Variants in GPHN observed in about 807,000 individuals in gnomAD.
GPHN encodes gephyrin.
Under a neutral mutation model 95.5 loss-of-function variants are expected in GPHN, and 17 were observed. The ratio of observed to expected loss-of-function variants is 0.18; its 90% confidence interval spans 0.12 to 0.27. The LOEUF is 0.27. GPHN is among the 10% of genes least tolerant of loss of function. The pLI is 1.00. For missense variants in GPHN, 660 were observed against 978.1 expected (o/e 0.67, Z 4.34); for synonymous variants, 320 against 322.5 (o/e 0.99, Z 0.08).
chr14:67,474,608 G>A, the GPHN span, among the ~76,000 whole-genome samples: 1 of 152,180 alleles, frequency 6.6e-6, no homozygotes, highest in East Asian at 1.9e-4. Context: ...GTACAATTCA[G>A]TGGTCTTAAG....
chr14:66,521,653 G>A (rs913870471), intron 1 of GPHN, among the ~76,000 whole-genome samples: 2 of 152,094 alleles, frequency 1.3e-5, no homozygotes, highest in African/African-American at 2.4e-5. Context: ...AAGGGCAAGA[G>A]GGCTCCCTCA....
chr14:67,695,348 G>C, the GPHN span, among the ~76,000 whole-genome samples: 7 of 152,292 alleles, frequency 4.6e-5, no homozygotes, highest in Admixed American at 3.9e-4. Flanking sequence ...TTACCCTCGG[G>C]ATTCCCTGGA....
the GPHN span, among the ~76,000 whole-genome samples, chr14:67,416,509 A>G: frequency 6.6e-6 from 1 of 152,374 alleles, no homozygotes; most frequent in African/African-American, 2.4e-5. Flanking sequence ...CAGAGGAGAC[A>G]GGAGCTAGAA....
the GPHN span, among the ~76,000 whole-genome samples, chr14:67,353,430 G>A: frequency 2.0e-5 from 3 of 152,244 alleles, no homozygotes; most frequent in African/African-American, 7.2e-5. Context: ...AGGATCCCTT[G>A]AGCCTGGGAG....
At chr14:67,305,360 G>C in the GPHN span, among the ~76,000 whole-genome samples, 2 of 151,960 alleles carry the variant, frequency 1.3e-5, no homozygotes, top group Non-Finnish European at 2.9e-5. Context: ...GACTCCTGCA[G>C]CCTTGACTGC....
At chr14:67,076,328 T>C (rs1292376155) in intron 11 of GPHN, among the ~76,000 whole-genome samples, 2 of 152,240 alleles carry the variant, frequency 1.3e-5, no homozygotes, top group Non-Finnish European at 2.9e-5. Context: ...CAGAATAGCG[T>C]AAACATAACT....
At chr14:67,170,512 C>A (rs1595476321) in intron 21 of GPHN, among the ~76,000 whole-genome samples, 1 of 152,166 alleles carries the variant, frequency 6.6e-6, no homozygotes, top group East Asian at 1.9e-4. Flanking sequence ...CTTATGAATT[C>A]TTTCACTTAT....
intron 8 of GPHN, among the ~76,000 whole-genome samples, chr14:66,957,477 T>C (rs2068604190): frequency 1.3e-5 from 2 of 152,140 alleles, no homozygotes; most frequent in Admixed American, 6.6e-5. Flanking sequence ...ATTACAGGCA[T>C]GAGCCACCGC....
At chr14:67,095,864 G>T (rs189970018) in intron 12 of GPHN, among the ~76,000 whole-genome samples, 1 of 148,176 alleles carries the variant, frequency 6.7e-6, no homozygotes, top group Admixed American at 6.9e-5. Context: ...CACCAGCATG[G>T]CACATGTATA....
the GPHN span, among the ~76,000 whole-genome samples, chr14:67,522,291 A>G: frequency 6.6e-6 from 1 of 152,218 alleles, no homozygotes. Flanking sequence ...TTTCTGACTC[A>G]GCAGTCAGCC....
chr14:66,831,811 A>C (rs1175711098), intron 4 of GPHN, among the ~76,000 whole-genome samples: 14 of 152,198 alleles, frequency 9.2e-5, no homozygotes, highest in Admixed American at 2.0e-4. Context: ...ACTGTGTGCA[A>C]ATAACTCTTT....
chr14:67,349,194 C>A, the GPHN span: 3 of 1,228,240 alleles, frequency 2.4e-6, no homozygotes, highest in South Asian at 2.6e-5. Flanking sequence ...TAAATGAGAC[C>A]AAGAGTGAGA....
chr14:67,657,411 T>C, the GPHN span, among the ~76,000 whole-genome samples: 1 of 152,144 alleles, frequency 6.6e-6, no homozygotes, highest in Admixed American at 6.5e-5. Flanking sequence ...TTGAGCAAGC[T>C]TCCCCACCTG....
the GPHN span, chr14:67,302,544 A>G: frequency 6.4e-7 from 1 of 1,570,942 alleles, no homozygotes; most frequent in Non-Finnish European, 8.6e-7. Context: ...TTCGGGGGAA[A>G]GATGTCAATG....
At chr14:66,737,011 T>G (rs1402974654) in intron 2 of GPHN, among the ~76,000 whole-genome samples, 1 of 152,192 alleles carries the variant, frequency 6.6e-6, no homozygotes, top group Non-Finnish European at 1.5e-5. Flanking sequence ...CTAAAATTAT[T>G]ATATGTTTCA....
At chr14:67,021,284 T>A (rs1324235747) in intron 9 of GPHN, among the ~76,000 whole-genome samples, 1 of 152,116 alleles carries the variant, frequency 6.6e-6, no homozygotes, top group Non-Finnish European at 1.5e-5. Flanking sequence ...ATTAAAGTGA[T>A]TCTCCCCAAA....
chr14:67,397,582 C>G, the GPHN span: 2 of 1,231,516 alleles, frequency 1.6e-6, no homozygotes, highest in Non-Finnish European at 2.3e-6. Flanking sequence ...TTCCTCCTAC[C>G]CACACCACTT....
intron 18 of GPHN, among the ~76,000 whole-genome samples, chr14:67,146,859 C>G (rs2080927483): frequency 6.6e-6 from 1 of 152,126 alleles, no homozygotes; most frequent in African/African-American, 2.4e-5. Context: ...CATGGCAAAA[C>G]CCCACCTCTA....
chr14:66,613,117 A>T (rs576815024), intron 1 of GPHN, among the ~76,000 whole-genome samples: 57 of 152,154 alleles, frequency 3.7e-4, no homozygotes, highest in African/African-American at 1.3e-3. Context: ...CATTGCTTCT[A>T]GGGGAAATAT....
Sources: allele counts gnomAD v4.1 joint callset (sites outside exome capture counted in the v4.1 genomes callset), GRCh38; gene constraint gnomAD v4.1.1; transcripts MANE v1.5; gene names NCBI Gene and HGNC (gene_info 2026-07-23, HGNC 2026-07-21).